ENOX1: variants seen among roughly 807,000 people sequenced by gnomAD.
The protein encoded by ENOX1 is ecto-NOX disulfide-thiol exchanger 1, also known as candidate growth-related and time keeping constitutive hydroquinone (NADH) oxidase.
In ENOX1, 42 loss-of-function variants were observed where a neutral mutation model predicts 82.5. The observed-to-expected ratio is 0.51, with a 90% CI of 0.40 to 0.66. The LOEUF (loss-of-function observed/expected upper bound fraction) is 0.66, where lower values mean the gene tolerates loss of function less well. Ranked by LOEUF, ENOX1 falls within the 30% of genes least tolerant of loss-of-function variation. The probability of loss-of-function intolerance (pLI) is 0.00; values close to 1 mark genes in which losing one functional copy is unlikely to be tolerated. For synonymous variants in ENOX1, 271 were observed against 282.2 expected, an observed-to-expected ratio of 0.96 and a Z score of 0.40; for missense variants, 608 against 811.6, an observed-to-expected ratio of 0.75 and a Z score of 3.05.
chr13:43,486,276 C>A (rs868543678), intron 2 of ENOX1, among the ~76,000 whole-genome samples: 6 of 151,840 alleles, frequency 4.0e-5, no homozygotes, highest in Admixed American at 6.6e-5. Flanking sequence ...CCTGGCTACT[C>A]GGGAGGCTGA....
chr13:43,505,348 A>G (rs2077116555), intron 2 of ENOX1, among the ~76,000 whole-genome samples: 1 of 151,982 alleles, frequency 6.6e-6, no homozygotes, highest in Non-Finnish European at 1.5e-5. Context: ...GATGATCAAA[A>G]GAAGGCAGAA....
At chr13:43,762,951 A>T (rs1411159773) in intron 1 of ENOX1, among the ~76,000 whole-genome samples, 1 of 152,226 alleles carries the variant, frequency 6.6e-6, no homozygotes, top group Non-Finnish European at 1.5e-5. Flanking sequence ...TGAAAAAGGC[A>T]AACTGTGTAA....
At chr13:43,270,647 G>T (rs747659071) in intron 12 of ENOX1, among the ~76,000 whole-genome samples, 8 of 152,096 alleles carry the variant, frequency 5.3e-5, no homozygotes, top group Non-Finnish European at 1.0e-4. Flanking sequence ...TGGTTTGGGG[G>T]GATTTTGCAG....
chr13:43,572,071 A>C (rs2080209383), intron 2 of ENOX1, among the ~76,000 whole-genome samples: 1 of 152,166 alleles, frequency 6.6e-6, no homozygotes, highest in East Asian at 1.9e-4. Context: ...ACAAAAATGA[A>C]GGTTGCTATA....
rs1171835857 is a variant in ENOX1, at chr13:43,524,246, G to T, written c.-218-40094C>A. Among the ~76,000 whole-genome samples, 4 of 152,052 alleles carry T rather than the reference G, an allele frequency of 2.6e-5. No individual in the cohort carries two copies. The East Asian group carries it at 7.7e-4, about 29-fold the overall frequency. ...AGACAATTCCAACTCATTAACCCCA[G>T]ACACTCACATTTCTTAGCTCCTCTC... On this transcript the variant is annotated intron_variant, in intron 2 of 16. Coordinates refer to ENST00000690772, the MANE Select transcript of ENOX1 (RefSeq NM_001347969.2).
intron 3 of ENOX1, among the ~76,000 whole-genome samples, chr13:43,463,462 T>C (rs1239368557): frequency 3.3e-5 from 5 of 152,152 alleles, no homozygotes; most frequent in South Asian, 4.1e-4. Flanking sequence ...GTACAATAAT[T>C]GGCAAATTAA....
intron 11 of ENOX1, among the ~76,000 whole-genome samples, chr13:43,300,909 A>G (rs1411361989): frequency 1.3e-5 from 2 of 152,116 alleles, no homozygotes; most frequent in Non-Finnish European, 2.9e-5. Context: ...CCAGCACATA[A>G]CCCGCAGCAT....
At chr13:43,628,749 T>G (rs2083078719) in intron 2 of ENOX1, among the ~76,000 whole-genome samples, 1 of 152,234 alleles carries the variant, frequency 6.6e-6, no homozygotes, top group Admixed American at 6.5e-5. Flanking sequence ...CACTGGCTTT[T>G]CCTGACCTTG....
intron 5 of ENOX1, among the ~76,000 whole-genome samples, chr13:43,392,617 C>G (rs1183746834): frequency 1.3e-5 from 2 of 152,190 alleles, no homozygotes; most frequent in Non-Finnish European, 2.9e-5. Context: ...ATCATTTGAA[C>G]CCAGGAGGTG....
intron 2 of ENOX1, among the ~76,000 whole-genome samples, chr13:43,499,633 C>A (rs2076911188): frequency 6.6e-6 from 1 of 151,916 alleles, no homozygotes; most frequent in Non-Finnish European, 1.5e-5. Context: ...CAAAACCAGT[C>A]TATAAAGATG....
chr13:43,690,766 C>A (rs1390063277), intron 1 of ENOX1, among the ~76,000 whole-genome samples: 1 of 152,162 alleles, frequency 6.6e-6, no homozygotes, highest in Admixed American at 6.5e-5. Context: ...CTTCAAATAT[C>A]ATCTGCAAAG....
rs561465426 is a variant in ENOX1, at chr13:43,223,567, C to T, written c.1800+486G>A. On this transcript the variant is annotated intron_variant, in intron 16 of 16. Transcript: ENST00000690772. ...GCACAGCTGAGAAGAATTTTGCAGC[C>T]ACTTTTTTCTACTTAGAGAACAACG... 3.3e-5 allele frequency among the ~76,000 whole-genome samples: 5 copies of T among 152,272 alleles called. No homozygotes were observed. The East Asian group carries it at 7.7e-4, about 23-fold the overall frequency.
chr13:43,655,404 T>G (rs1011974945), intron 2 of ENOX1, among the ~76,000 whole-genome samples: 8 of 152,132 alleles, frequency 5.3e-5, no homozygotes, highest in Non-Finnish European at 1.2e-4. Flanking sequence ...AAGGCAGCAA[T>G]CCAGCCTTGA....
intron 3 of ENOX1, among the ~76,000 whole-genome samples, chr13:43,436,776 A>C (rs1413390189): frequency 6.6e-6 from 1 of 152,198 alleles, no homozygotes; most frequent in Non-Finnish European, 1.5e-5. Flanking sequence ...GGTTCAGAGA[A>C]AATACAAGTG....
chr13:43,547,025 A>G (rs181872883), intron 2 of ENOX1: 1 of 152,298 alleles, frequency 6.6e-6, no homozygotes, highest in African/African-American at 2.4e-5. Context: ...CTCTGGGCCA[A>G]TCGAGGATTA....
At chr13:43,628,251 A>G (rs1008468047) in intron 2 of ENOX1, among the ~76,000 whole-genome samples, 2 of 152,062 alleles carry the variant, frequency 1.3e-5, no homozygotes, top group Non-Finnish European at 2.9e-5. Context: ...ATGTTTTGTT[A>G]TAATCCCACA....
intron 16 of ENOX1, among the ~76,000 whole-genome samples, chr13:43,215,739 T>C (rs991599704): frequency 6.6e-6 from 1 of 152,104 alleles, no homozygotes; most frequent in Non-Finnish European, 1.5e-5. Context: ...CTGGGAGGTC[T>C]TTCTCAGTAG....
At chr13:43,361,587 T>C in intron 5 of ENOX1, 135 bp from the exon 6 acceptor site, 2 of 779,474 alleles carry the variant, frequency 2.6e-6, no homozygotes, top group Non-Finnish European at 3.9e-6. Context: ...AGATATAATA[T>C]TATAGAAAGC....
At chr13:43,527,384 C>G (rs940458299) in intron 2 of ENOX1, among the ~76,000 whole-genome samples, 3 of 152,088 alleles carry the variant, frequency 2.0e-5, no homozygotes, top group Non-Finnish European at 4.4e-5. Context: ...GACCACTATA[C>G]AATGTTACAC....
Sources: allele counts gnomAD v4.1 joint callset (sites outside exome capture counted in the v4.1 genomes callset), GRCh38; gene constraint gnomAD v4.1.1; transcripts MANE v1.5; gene names NCBI Gene and HGNC (gene_info 2026-07-23, HGNC 2026-07-21).